TMEM108: variants seen among roughly 807,000 people sequenced by gnomAD.
TMEM108 encodes cancer/testis antigen 124.
A neutral mutation model predicts 35.1 loss-of-function variants in TMEM108; 12 were observed. The ratio of observed to expected loss-of-function variants is 0.34; its 90% CI spans 0.22 to 0.55. The LOEUF (loss-of-function observed/expected upper bound fraction) is 0.55. Ranked by LOEUF, TMEM108 falls within the 20% of genes least tolerant of loss-of-function variation. TMEM108 has a pLI of 0.89. For missense variants in TMEM108, 680 were observed against 753.3 expected (o/e 0.90, Z 1.14); for synonymous variants, 287 against 308.6 (o/e 0.93, Z 0.73).
At chr3:133,344,007 A>G (rs1576475042) in intron 3 of TMEM108, among the ~76,000 whole-genome samples, 1 of 151,766 alleles carries the variant, frequency 6.6e-6, no homozygotes, top group Non-Finnish European at 1.5e-5. Context: ...ATCCCCCTGC[A>G]CTCTCCATCC....
At chr3:133,239,762 G>A (rs888291332) in intron 3 of TMEM108, among the ~76,000 whole-genome samples, 3 of 152,184 alleles carry the variant, frequency 2.0e-5, no homozygotes, top group South Asian at 2.1e-4. Flanking sequence ...TCCAGGAGCA[G>A]GAGACGCTTT....
At chr3:133,386,795 G>C (rs1386268987) in intron 4 of TMEM108, 2 of 834,392 alleles carry the variant, frequency 2.4e-6, no homozygotes. Context: ...GGACAATACA[G>C]GATAGTGGAT....
intron 2 of TMEM108, chr3:133,120,793 C>T (rs1406620706): frequency 1.3e-5 from 2 of 152,108 alleles, no homozygotes; most frequent in Non-Finnish European, 2.9e-5. Context: ...GCATAGATAG[C>T]ACAGATAGAG....
In TMEM108 at chr3:133,120,504, C is replaced by T. The variant is rs551857416; in HGVS notation, c.-47+74484C>T. Among the ~76,000 whole-genome samples the T allele has an allele frequency of 4.6e-5, 7 of 152,284 alleles. No homozygotes were observed. The South Asian group carries it at 1.4e-3, about 32-fold the overall frequency. On this transcript the variant is annotated intron_variant, in intron 2 of 5. Coordinates refer to ENST00000321871, the MANE Select transcript of TMEM108 (RefSeq NM_023943.4). ...AGTTGCTGTGTGCCTGGTTCAAATC[C>T]TTTCCCAGCCATCCTCCTATGGTTA...
intron 2 of TMEM108, among the ~76,000 whole-genome samples, chr3:133,128,209 C>T (rs761004887): frequency 3.9e-5 from 6 of 152,142 alleles, no homozygotes; most frequent in South Asian, 2.1e-4. Context: ...GGGTACCTGG[C>T]ACTTGCAAGG....
intron 2 of TMEM108, among the ~76,000 whole-genome samples, chr3:133,227,903 CATAAA>C (rs987102146): frequency 5.3e-5 from 8 of 151,802 alleles, no homozygotes; most frequent in African/African-American, 1.5e-4. Flanking sequence ...CAAAAAAAAA[CATAAA>C]ATAAAATGAA....
intron 2 of TMEM108, among the ~76,000 whole-genome samples, chr3:133,067,634 G>A (rs1322344704): frequency 1.3e-5 from 2 of 152,160 alleles, no homozygotes; most frequent in Non-Finnish European, 2.9e-5. Flanking sequence ...ATTGACACTG[G>A]ACCTGGTATA....
At chr3:133,206,382 C>G (rs776883335) in intron 2 of TMEM108, among the ~76,000 whole-genome samples, 2 of 152,178 alleles carry the variant, frequency 1.3e-5, no homozygotes, top group Non-Finnish European at 2.9e-5. Flanking sequence ...AAGAGGTGTT[C>G]TGGTTTTTGG....
At chr3:133,330,324 C>T (rs1457819193) in intron 3 of TMEM108, among the ~76,000 whole-genome samples, 1 of 152,106 alleles carries the variant, frequency 6.6e-6, no homozygotes, top group Non-Finnish European at 1.5e-5. Flanking sequence ...AGAGGAAGCT[C>T]TCCTGTCTAA....
In TMEM108 at chr3:133,167,983, C is replaced by T. The variant is rs548945326; in HGVS notation, c.-46-61283C>T. ...GTAGGAGTGTGTGACTTAACCCTTT[C>T]CTGTCATGGCCTTACGTCCTGTTTA... is the stretch of plus-strand genomic sequence containing the variant. On this transcript the variant is annotated intron_variant, in intron 2 of 5. Transcript: ENST00000321871. Among the ~76,000 whole-genome samples, 8 of 152,202 alleles carry T rather than the reference C, an allele frequency of 5.3e-5. No homozygotes were observed. In the South Asian group the frequency reaches 1.4e-3, roughly 28 times the overall value.
intron 3 of TMEM108, among the ~76,000 whole-genome samples, chr3:133,309,603 T>C (rs1455827182): frequency 6.6e-6 from 1 of 151,634 alleles, no homozygotes; most frequent in Non-Finnish European, 1.5e-5. Flanking sequence ...TTTTCTACCT[T>C]AATTTTGTTA....
intron 3 of TMEM108, among the ~76,000 whole-genome samples, chr3:133,317,203 T>A (rs2071210386): frequency 1.3e-5 from 2 of 152,158 alleles, no homozygotes; most frequent in Admixed American, 6.5e-5. Context: ...GATACGGACG[T>A]TGAAAGGGAT....
chr3:133,081,646 T>C (rs1490409340), intron 2 of TMEM108, among the ~76,000 whole-genome samples: 8 of 152,228 alleles, frequency 5.3e-5, no homozygotes, highest in Admixed American at 4.6e-4. Flanking sequence ...TGACTCTTAT[T>C]TAATGCTTCA....
chr3:133,047,122 AG>A (rs1261422074), intron 2 of TMEM108, among the ~76,000 whole-genome samples: 1 of 152,208 alleles, frequency 6.6e-6, no homozygotes, highest in Non-Finnish European at 1.5e-5. Flanking sequence ...AAGCAAAGAA[AG>A]GGCAGCTGCA....
chr3:133,117,917 A>G (rs971672427), intron 2 of TMEM108, among the ~76,000 whole-genome samples: 2 of 152,146 alleles, frequency 1.3e-5, no homozygotes, highest in Non-Finnish European at 2.9e-5. Flanking sequence ...CCAATCCACA[A>G]AATTCTGTAG....
chr3:133,057,221 T>C (rs1943475671), intron 2 of TMEM108, among the ~76,000 whole-genome samples: 2 of 152,102 alleles, frequency 1.3e-5, no homozygotes, highest in African/African-American at 4.8e-5. Flanking sequence ...TTAAGCCATA[T>C]GTGAAGTCTA....
intron 2 of TMEM108, among the ~76,000 whole-genome samples, chr3:133,128,671 G>C (rs1395352716): frequency 2.0e-5 from 3 of 152,044 alleles, no homozygotes; most frequent in Non-Finnish European, 2.9e-5. Flanking sequence ...TGATCTTAAG[G>C]CCTTTTGGTC....
At chr3:133,050,668 C>G (rs902123589) in intron 2 of TMEM108, among the ~76,000 whole-genome samples, 5 of 151,942 alleles carry the variant, frequency 3.3e-5, no homozygotes, top group Non-Finnish European at 7.4e-5. Flanking sequence ...TTTCATATCT[C>G]CCACCCCTTT....
At chr3:133,160,724 T>A (rs1269959432) in intron 2 of TMEM108, among the ~76,000 whole-genome samples, 1 of 152,240 alleles carries the variant, frequency 6.6e-6, no homozygotes, top group Non-Finnish European at 1.5e-5. Flanking sequence ...TGAGGACCTA[T>A]CTGCCTACTT....
Sources: allele counts gnomAD v4.1 joint callset (sites outside exome capture counted in the v4.1 genomes callset), GRCh38; gene constraint gnomAD v4.1.1; transcripts MANE v1.5; gene names NCBI Gene and HGNC (gene_info 2026-07-23, HGNC 2026-07-21).